Variants in TPTE observed in about 807,000 individuals in gnomAD.
The protein encoded by TPTE is putative tyrosine-protein phosphatase TPTE.
In TPTE, 59 loss-of-function variants were observed where a neutral mutation model predicts 84.1. The observed-to-expected ratio is 0.70, with a 90% CI of 0.57 to 0.87. TPTE has a LOEUF of 0.87. Ranked by LOEUF, TPTE falls within the 40% of genes least tolerant of loss-of-function variation. The pLI, the probability that TPTE is intolerant of heterozygous loss-of-function variation, is 0.00. For synonymous variants in TPTE, 130 were observed against 223.5 expected (o/e 0.58, Z 3.73); for missense variants, 382 against 659.6 (o/e 0.58, Z 4.61).
At chr21:10,532,680 G>A (rs1365784510) in intron 3 of TPTE, among the ~76,000 whole-genome samples, 2 of 152,296 alleles carry the variant, frequency 1.3e-5, no homozygotes, top group African/African-American at 4.8e-5. Context: ...TACAAACTTT[G>A]TCATGTTATT....
chr21:10,527,094 A>G (rs866630461), intron 2 of TPTE, among the ~76,000 whole-genome samples: 5 of 152,298 alleles, frequency 3.3e-5, no homozygotes, highest in Non-Finnish European at 5.9e-5. Context: ...ATATAGAAAC[A>G]TTCATTATTC....
chr21:10,550,617 A>G (rs1023061581), intron 7 of TPTE, among the ~76,000 whole-genome samples: 1 of 152,306 alleles, frequency 6.6e-6, no homozygotes, highest in African/African-American at 2.4e-5. Context: ...TACTAGATCT[A>G]AAGAGGGAGA....
intron 4 of TPTE, among the ~76,000 whole-genome samples, chr21:10,539,720 G>T (rs1315547714): frequency 6.6e-6 from 1 of 152,310 alleles, no homozygotes; most frequent in African/African-American, 2.4e-5. Flanking sequence ...AGGTTGAAAA[G>T]TAGTTGGAAG....
chr21:10,573,856 C>T (rs375284428), intron 14 of TPTE, among the ~76,000 whole-genome samples: 3,853 of 145,816 alleles, frequency 0.026, no homozygotes, highest in Middle Eastern at 0.075. Flanking sequence ...AGGCAAGAGT[C>T]CGAGGAGCGG....
At chr21:10,562,617 T>C (rs1294916025) in intron 10 of TPTE, among the ~76,000 whole-genome samples, 2 of 152,310 alleles carry the variant, frequency 1.3e-5, no homozygotes, top group Admixed American at 6.5e-5. Flanking sequence ...AAAAATGTAA[T>C]TGGCATGCCG....
intron 4 of TPTE, among the ~76,000 whole-genome samples, chr21:10,538,957 C>T (rs1212785418): frequency 2.0e-3 from 302 of 152,276 alleles, no homozygotes; most frequent in African/African-American, 6.6e-3. Context: ...GGGAAGCCTG[C>T]GTGGCCATAG....
At chr21:10,566,239 G>T (rs1258068989) in intron 10 of TPTE, among the ~76,000 whole-genome samples, 9 of 152,310 alleles carry the variant, frequency 5.9e-5, no homozygotes, top group African/African-American at 2.2e-4. Context: ...TGGTAAACAG[G>T]CATATCAAGA....
At chr21:10,580,021 TTC>T (rs2075242892) in intron 17 of TPTE, among the ~76,000 whole-genome samples, 2 of 152,284 alleles carry the variant, frequency 1.3e-5, no homozygotes, top group South Asian at 4.1e-4. Flanking sequence ...TCACCAACTC[TTC>T]TTTTGTCTTT....
In TPTE at chr21:10,603,755, C is replaced by T. The variant is rs1978906037; in HGVS notation, c.1520+123C>T. On this transcript the variant is annotated intron_variant, in intron 23 of 23. Coordinates refer to ENST00000618007, the MANE Select transcript of TPTE (RefSeq NM_199261.4). Reference sequence around the variant, plus strand: ...TTATAGAAAGCAAAAAATCCTTGAACCACCATTGTTCCTTGCCTTACTCTT... The same window carrying T: ...TTATAGAAAGCAAAAAATCCTTGAATCACCATTGTTCCTTGCCTTACTCTT... The T allele has an allele frequency of 8.1e-6, 10 of 1,241,572 alleles. No homozygotes were observed. The South Asian group carries it at 1.1e-4, about 13-fold the overall frequency. 76.9% of individuals were successfully genotyped at this position (1,241,572 alleles called of 1,614,324 possible). A position where few individuals can be genotyped will look rare whatever the true frequency, so the allele number is the denominator to read the frequency against.
chr21:10,534,932 G>T (rs2074241625), intron 3 of TPTE, among the ~76,000 whole-genome samples: 1 of 152,304 alleles, frequency 6.6e-6, no homozygotes. Flanking sequence ...TTCTAGGGCT[G>T]CTTTAAAAAA....
At chr21:10,557,957 A>G (rs1194864495) in intron 8 of TPTE, among the ~76,000 whole-genome samples, 4 of 152,422 alleles carry the variant, frequency 2.6e-5, no homozygotes, top group Admixed American at 6.5e-5. Flanking sequence ...CTTTGTGTTC[A>G]TAAGTCCTTA....
chr21:10,558,506 T>C (rs961179106), intron 8 of TPTE, among the ~76,000 whole-genome samples: 49 of 152,406 alleles, frequency 3.2e-4, no homozygotes, highest in Non-Finnish European at 5.9e-4. Flanking sequence ...ATCTGTGATA[T>C]TGAGCTTTTC....
chr21:10,604,928 C>T (rs1185847583), intron 23 of TPTE, among the ~76,000 whole-genome samples: 11 of 152,414 alleles, frequency 7.2e-5, no homozygotes, highest in South Asian at 2.1e-4. Context: ...ATTGAGAACA[C>T]GAGGCATAAA....
intron 20 of TPTE, among the ~76,000 whole-genome samples, chr21:10,596,528 T>A (rs28430806): frequency 1.9e-3 from 118 of 61,856 alleles, no homozygotes; most frequent in South Asian, 8.8e-3. Flanking sequence ...TTAGAGGCAT[T>A]TTTTTTCTCA....
chr21:10,559,268 A>G (rs2074745183), intron 8 of TPTE, among the ~76,000 whole-genome samples: 1 of 152,312 alleles, frequency 6.6e-6, no homozygotes, highest in Non-Finnish European at 1.5e-5. Flanking sequence ...TGGAAATGTT[A>G]CTAAACATCC....
At chr21:10,575,761 AAAG>A (rs1301306320) in intron 14 of TPTE, among the ~76,000 whole-genome samples, 3 of 152,274 alleles carry the variant, frequency 2.0e-5, no homozygotes, top group Admixed American at 6.5e-5. Flanking sequence ...ACCCCATTAA[AAAG>A]TGGGCAGAGG....
intron 17 of TPTE, among the ~76,000 whole-genome samples, chr21:10,583,398 A>C (rs1171291491): frequency 2.5e-4 from 38 of 152,354 alleles, no homozygotes; most frequent in African/African-American, 9.1e-4. Flanking sequence ...TAACTTTTTA[A>C]TTTTCTTAAC....
intron 1 of TPTE, among the ~76,000 whole-genome samples, chr21:10,522,269 C>T (rs1417283667): frequency 6.6e-6 from 1 of 152,290 alleles, no homozygotes; most frequent in Non-Finnish European, 1.5e-5. Flanking sequence ...GGGCTGCATC[C>T]GCTCTTGGCC....
chr21:10,557,296 G>T (rs1441979105), intron 8 of TPTE, among the ~76,000 whole-genome samples: 1 of 152,308 alleles, frequency 6.6e-6, no homozygotes, highest in Non-Finnish European at 1.5e-5. Flanking sequence ...TGCAAACTCT[G>T]CACATAACTG....
Sources: allele counts gnomAD v4.1 joint callset (sites outside exome capture counted in the v4.1 genomes callset), GRCh38; gene constraint gnomAD v4.1.1; transcripts MANE v1.5; gene names NCBI Gene and HGNC (gene_info 2026-07-23, HGNC 2026-07-21).